Variants in LRMDA observed in about 807,000 individuals in gnomAD.
LRMDA encodes the protein leucine-rich melanocyte differentiation-associated protein.
LRMDA carries 18 observed loss-of-function variants against 29.8 expected under a neutral mutation model. The observed-to-expected ratio is 0.60, with a 90% CI of 0.42 to 0.90. The LOEUF (loss-of-function observed/expected upper bound fraction) is 0.90, where lower values mean the gene tolerates loss of function less well. LRMDA is among the 40% of genes least tolerant of loss of function. LRMDA has a pLI of 0.00. For missense variants in LRMDA, 273 were observed against 273.9 expected, an observed-to-expected ratio of 1.00 and a Z score of 0.02; for synonymous variants, 125 against 109.4, an observed-to-expected ratio of 1.14 and a Z score of -0.89.
Position 75,606,838 on chromosome 10 carries a change from C to T in LRMDA, c.131+168344C>T, listed in dbSNP as rs540729371. Among the ~76,000 whole-genome samples, 5 of 152,290 alleles carry T rather than the reference C, an allele frequency of 3.3e-5. No individual in the cohort carries two copies. The South Asian group carries it at 1.0e-3, about 32-fold the overall frequency. ...TTCTGGGGGCAAGGGACAGTGTTGC[C>T]ATCCATTAAACATTTATTGTATTAG... On this transcript the variant is annotated intron_variant, in intron 2 of 6. Transcript: ENST00000611255.
chr10:76,345,321 C>T (rs1015105853), intron 6 of LRMDA, among the ~76,000 whole-genome samples: 4 of 150,822 alleles, frequency 2.7e-5, no homozygotes, highest in Non-Finnish European at 4.4e-5. Flanking sequence ...ATCCGCCCGC[C>T]TCGGCCTCCC....
At chr10:75,787,375 A>T (rs1221349272) in intron 2 of LRMDA, among the ~76,000 whole-genome samples, 1 of 152,162 alleles carries the variant, frequency 6.6e-6, no homozygotes, top group East Asian at 1.9e-4. Flanking sequence ...ACGTTTCATC[A>T]GTGAAACGGG....
chr10:76,470,528 T>A (rs536574650), intron 6 of LRMDA: 2 of 152,078 alleles, frequency 1.3e-5, no homozygotes, highest in East Asian at 3.9e-4. Context: ...GGATAAAAAA[T>A]GTTGGATATA....
chr10:76,258,291 G>T (rs1219018814), intron 5 of LRMDA, among the ~76,000 whole-genome samples: 4 of 152,066 alleles, frequency 2.6e-5, no homozygotes, highest in Admixed American at 2.6e-4. Flanking sequence ...TTTTTATGTA[G>T]TTCATGTAGC....
intron 2 of LRMDA, among the ~76,000 whole-genome samples, chr10:75,811,408 G>T (rs1429518993): frequency 6.6e-6 from 1 of 152,020 alleles, no homozygotes; most frequent in Non-Finnish European, 1.5e-5. Context: ...GAATTTTATA[G>T]GATTTTGACA....
intron 2 of LRMDA, among the ~76,000 whole-genome samples, chr10:75,728,210 T>C (rs916173942): frequency 3.3e-5 from 5 of 152,158 alleles, no homozygotes; most frequent in African/African-American, 1.2e-4. Flanking sequence ...TCCATGACAC[T>C]AAACTGCATA....
At chr10:75,875,729 G>A (rs1308836136) in intron 2 of LRMDA, among the ~76,000 whole-genome samples, 1 of 152,228 alleles carries the variant, frequency 6.6e-6, no homozygotes, top group Non-Finnish European at 1.5e-5. Flanking sequence ...ACGGTGCCCA[G>A]CCAGCCATTT....
At chr10:75,658,641 C>T (rs1841709742) in intron 2 of LRMDA, among the ~76,000 whole-genome samples, 1 of 152,092 alleles carries the variant, frequency 6.6e-6, no homozygotes, top group Non-Finnish European at 1.5e-5. Context: ...CTACTGTATT[C>T]CAAACATTTT....
chr10:75,888,894 A>C (rs957547698), intron 2 of LRMDA, among the ~76,000 whole-genome samples: 5 of 152,230 alleles, frequency 3.3e-5, no homozygotes, highest in African/African-American at 9.7e-5. Flanking sequence ...AGATGCCAAA[A>C]GTAGGTATTA....
At chr10:75,706,214 C>T (rs544645575) in intron 2 of LRMDA, among the ~76,000 whole-genome samples, 1 of 151,868 alleles carries the variant, frequency 6.6e-6, no homozygotes, top group South Asian at 2.1e-4. Flanking sequence ...TTTTAAAACC[C>T]CACTATGGAC....
chr10:75,693,394 AC>A (rs1285042823), intron 2 of LRMDA, among the ~76,000 whole-genome samples: 1 of 152,150 alleles, frequency 6.6e-6, no homozygotes, highest in Non-Finnish European at 1.5e-5. Context: ...CTTTGTGACA[AC>A]CTGTGCTAGT....
rs376071517 is a variant in LRMDA at position 76,062,656 on chromosome 10, C to CTGTGTGTG, written c.516+3907_516+3914dup. On this transcript the variant is annotated intron_variant, in intron 5 of 6. Coordinates refer to ENST00000611255, the MANE Select transcript of LRMDA (RefSeq NM_001305581.2). ...ATGGATGCTTCCAGACTTTATCTCT[C>CTGTGTGTG]TGTGTGTGTGTGTGTGTGTGTGTGT... Among the ~76,000 whole-genome samples, 119 of 139,272 alleles carry CTGTGTGTG rather than the reference C, an allele frequency of 8.5e-4. 1 individual carries two copies. The highest frequency in any genetic ancestry group is 1.6e-3 in the African/African-American group (58 of 36,112). The allele number at this position is 139,272 out of a possible 152,430, so 91.4% of individuals were successfully genotyped here.
At chr10:75,496,825 A>G (rs1845049752) in intron 2 of LRMDA, among the ~76,000 whole-genome samples, 1 of 152,132 alleles carries the variant, frequency 6.6e-6, no homozygotes, top group Admixed American at 6.5e-5. Context: ...AAATGCACGT[A>G]TGTTTATACA....
At chr10:76,268,220 A>G (rs1229461767) in intron 5 of LRMDA, among the ~76,000 whole-genome samples, 2 of 152,198 alleles carry the variant, frequency 1.3e-5, no homozygotes, top group Admixed American at 6.5e-5. Flanking sequence ...TAGTAGGTTC[A>G]AGTCTGGGCT....
At chr10:76,285,832 TA>T (rs1840264426) in intron 5 of LRMDA, among the ~76,000 whole-genome samples, 1 of 152,220 alleles carries the variant, frequency 6.6e-6, no homozygotes, top group South Asian at 2.1e-4. Context: ...TAATTGAATT[TA>T]ATTTTATGTT....
intron 2 of LRMDA, among the ~76,000 whole-genome samples, chr10:75,779,154 A>C (rs1293299824): frequency 6.6e-6 from 1 of 151,894 alleles, no homozygotes; most frequent in Admixed American, 6.5e-5. Context: ...AGTCAGCATG[A>C]CTCTAAAATC....
chr10:76,552,920 C>G (rs1215494933), intron 6 of LRMDA, among the ~76,000 whole-genome samples: 1 of 152,164 alleles, frequency 6.6e-6, no homozygotes, highest in Non-Finnish European at 1.5e-5. Flanking sequence ...AGAAAGGAGG[C>G]TGATTCCCAC....
chr10:75,916,626 A>G (rs915968990), intron 2 of LRMDA, among the ~76,000 whole-genome samples: 3 of 152,152 alleles, frequency 2.0e-5, no homozygotes, highest in Non-Finnish European at 1.5e-5. Context: ...TAAGTTTTTC[A>G]TTAATTTTAG....
intron 5 of LRMDA, among the ~76,000 whole-genome samples, chr10:76,146,728 A>G (rs2132158785): frequency 6.6e-6 from 1 of 152,286 alleles, no homozygotes; most frequent in Non-Finnish European, 1.5e-5. Context: ...TCCTGTCATT[A>G]TGATGTTAGC....
Sources: allele counts gnomAD v4.1 joint callset (sites outside exome capture counted in the v4.1 genomes callset), GRCh38; gene constraint gnomAD v4.1.1; transcripts MANE v1.5; gene names NCBI Gene and HGNC (gene_info 2026-07-23, HGNC 2026-07-21).